Variants in SPAG16 observed in about 807,000 individuals in gnomAD.
SPAG16 encodes sperm associated antigen 16, also known as sperm-associated antigen 16 protein.
A neutral mutation model predicts 80.4 loss-of-function variants in SPAG16; 86 were observed. The observed-to-expected ratio is 1.07, with a 90% CI of 0.90 to 1.28. The LOEUF (loss-of-function observed/expected upper bound fraction) is 1.28. SPAG16 is among the 50% of genes most tolerant of loss of function. The probability of loss-of-function intolerance (pLI) is 0.00; values close to 1 mark genes in which losing one functional copy is unlikely to be tolerated. For synonymous variants in SPAG16, 294 were observed against 265.9 expected (o/e 1.11, Z -1.03); for missense variants, 870 against 765.3 (o/e 1.14, Z -1.61).
intron 14 of SPAG16, among the ~76,000 whole-genome samples, chr2:214,109,331 AT>A (rs1313407392): frequency 6.6e-6 from 1 of 152,208 alleles, no homozygotes; most frequent in African/African-American, 2.4e-5. Context: ...CTGTTCTCAG[AT>A]GAAAGAGATT....
chr2:213,311,547 GTTAGTA>G, intron 4 of SPAG16, among the ~76,000 whole-genome samples: 1 of 151,684 alleles, frequency 6.6e-6, no homozygotes, highest in Non-Finnish European at 1.5e-5. Flanking sequence ...TAAGATTACT[GTTAGTA>G]TTAGGATTTA....
intron 11 of SPAG16, among the ~76,000 whole-genome samples, chr2:213,912,931 T>A (rs2077742995): frequency 6.6e-6 from 1 of 152,174 alleles, no homozygotes; most frequent in South Asian, 2.1e-4. Context: ...ATAGATTTAA[T>A]CATTTATAGG....
At chr2:214,119,811 T>G (rs749446769) in intron 14 of SPAG16, among the ~76,000 whole-genome samples, 3 of 151,998 alleles carry the variant, frequency 2.0e-5, no homozygotes, top group Non-Finnish European at 2.9e-5. Flanking sequence ...GGTAGTAAAC[T>G]TTTTTTGGTC....
chr2:213,429,810 A>T (rs74450781), intron 9 of SPAG16, among the ~76,000 whole-genome samples: 1 of 152,348 alleles, frequency 6.6e-6, no homozygotes, highest in East Asian at 1.9e-4. Flanking sequence ...AGTATACATC[A>T]TAGACACATT....
chr2:213,437,189 G>A (rs563587918), intron 9 of SPAG16, among the ~76,000 whole-genome samples: 19 of 152,124 alleles, frequency 1.2e-4, no homozygotes, highest in Non-Finnish European at 2.5e-4. Flanking sequence ...ATGAGCCACT[G>A]TGCCTGGCCA....
chr2:213,900,734 T>G (rs1340024008), intron 11 of SPAG16, among the ~76,000 whole-genome samples: 1 of 152,188 alleles, frequency 6.6e-6, no homozygotes, highest in Non-Finnish European at 1.5e-5. Context: ...TCCTGGACAT[T>G]CATCATTTTT....
intron 10 of SPAG16, among the ~76,000 whole-genome samples, chr2:213,789,904 TATC>T (rs1285324350): frequency 2.6e-5 from 4 of 151,984 alleles, no homozygotes. Context: ...ACGATATCAT[TATC>T]ATCCAATGTA....
intron 12 of SPAG16, among the ~76,000 whole-genome samples, chr2:214,009,390 T>C (rs553982411): frequency 6.6e-6 from 1 of 152,280 alleles, no homozygotes; most frequent in African/African-American, 2.4e-5. Context: ...ATTTTGAGTT[T>C]TTCCTTCTCT....
chr2:213,960,681 C>G (rs1201212859), intron 12 of SPAG16, among the ~76,000 whole-genome samples: 2 of 152,150 alleles, frequency 1.3e-5, no homozygotes, highest in Non-Finnish European at 2.9e-5. Context: ...CATGTGTGGT[C>G]ACTTTCTAAT....
intron 1 of SPAG16, among the ~76,000 whole-genome samples, chr2:213,293,143 C>G (rs1006353952): frequency 6.6e-6 from 1 of 152,176 alleles, no homozygotes; most frequent in African/African-American, 2.4e-5. Flanking sequence ...TTGTAAGTGT[C>G]TGGCATTTCC....
intron 12 of SPAG16, among the ~76,000 whole-genome samples, chr2:213,992,273 T>C (rs1234362954): frequency 1.3e-5 from 2 of 152,130 alleles, no homozygotes; most frequent in Admixed American, 6.6e-5. Flanking sequence ...GAAACTCTTC[T>C]CCGTGACAGT....
At chr2:214,157,056 T>G (rs2056246410) in intron 15 of SPAG16, among the ~76,000 whole-genome samples, 1 of 152,148 alleles carries the variant, frequency 6.6e-6, no homozygotes, top group Non-Finnish European at 1.5e-5. Flanking sequence ...TGCAAATCCA[T>G]TTTGTTCTTA....
At chr2:213,620,061 A>G (rs982682567) in intron 10 of SPAG16, among the ~76,000 whole-genome samples, 25 of 152,152 alleles carry the variant, frequency 1.6e-4, no homozygotes, top group African/African-American at 6.0e-4. Flanking sequence ...AAGGCACAGA[A>G]AGATAAAATA....
In SPAG16 at chr2:213,910,488, CT is replaced by C. The variant is rs746294933; in HGVS notation, c.1215-19454del. ...TTAAAAATTTGCTTTTGTAAGAATT[CT>C]TTTTTTTTTTTTTTTTTGAGACGGA... On this transcript the variant is annotated intron_variant, in intron 11 of 15. Coordinates refer to ENST00000331683, the MANE Select transcript of SPAG16 (RefSeq NM_024532.5). Among the ~76,000 whole-genome samples the C allele has an allele frequency of 9.1e-3, 753 of 82,330 alleles. 78 individuals carry two copies. Among genetic ancestry groups the C allele is most frequent in the African/African-American group, 0.022 (634 of 29,390 alleles). The allele number at this position is 82,330 out of a possible 152,430, so 54.0% of individuals were successfully genotyped here. A position where few individuals can be genotyped will look rare whatever the true frequency, so the allele number is the denominator to read the frequency against.
chr2:214,252,557 G>C lies in SPAG16; in HGVS notation c.1720+103291G>C, dbSNP rs1019719589. 4.0e-5 allele frequency among the ~76,000 whole-genome samples: 6 copies of C among 150,006 alleles called. No homozygotes were observed. The Admixed American group carries it at 4.0e-4, about 10-fold the overall frequency. The stretch of plus-strand genomic sequence containing the variant: ...GAGAATGTGTGTTTTTTGGTTTTCT[G>C]TTCTTGTGTTCGTTTGCTGAGAATG... On this transcript the variant is annotated intron_variant, in intron 15 of 15. Transcript: ENST00000331683.
intron 10 of SPAG16, among the ~76,000 whole-genome samples, chr2:213,731,157 T>G (rs1038079596): frequency 7.2e-6 from 1 of 139,700 alleles, no homozygotes; most frequent in Non-Finnish European, 1.6e-5. Flanking sequence ...ATCTGAGTTT[T>G]TTTTTTTTTT....
intron 10 of SPAG16, among the ~76,000 whole-genome samples, chr2:213,617,670 AG>A (rs2061644757): frequency 6.6e-6 from 1 of 152,074 alleles, no homozygotes; most frequent in Non-Finnish European, 1.5e-5. Flanking sequence ...AAAATGAGCA[AG>A]GCATAGTGGC....
At chr2:213,641,703 C>A (rs1335567324) in intron 10 of SPAG16, among the ~76,000 whole-genome samples, 1 of 152,202 alleles carries the variant, frequency 6.6e-6, no homozygotes, top group Non-Finnish European at 1.5e-5. Context: ...GTAAATTATT[C>A]TCTTGTGATC....
At chr2:213,849,523 A>T (rs1018395683) in intron 10 of SPAG16, among the ~76,000 whole-genome samples, 4 of 152,242 alleles carry the variant, frequency 2.6e-5, no homozygotes, top group African/African-American at 7.2e-5. Context: ...AGATACAAAA[A>T]AGTCATTATT....
Sources: allele counts gnomAD v4.1 joint callset (sites outside exome capture counted in the v4.1 genomes callset), GRCh38; gene constraint gnomAD v4.1.1; transcripts MANE v1.5; gene names NCBI Gene and HGNC (gene_info 2026-07-23, HGNC 2026-07-21).